The following SUCLA2 variants were observed in gnomAD, a reference collection of about 807,000 sequenced individuals.
SUCLA2 encodes succinate--CoA ligase [ADP-forming] subunit beta, mitochondrial.
A neutral mutation model predicts 54.8 loss-of-function variants in SUCLA2; 30 were observed. The ratio of observed to expected loss-of-function variants is 0.55; its 90% confidence interval spans 0.41 to 0.74. SUCLA2 has a LOEUF of 0.74. Among genes scored for constraint, SUCLA2 ranks in the 30% least tolerant of loss-of-function variants. The pLI is 0.00. For missense variants in SUCLA2, 476 were observed against 562.9 expected (o/e 0.85, Z 1.56); for synonymous variants, 172 against 188.9 (o/e 0.91, Z 0.74).
intron 6 of SUCLA2, among the ~76,000 whole-genome samples, chr13:47,964,835 T>A (rs758555081): frequency 4.6e-5 from 7 of 151,856 alleles, no homozygotes; most frequent in African/African-American, 1.7e-4. Flanking sequence ...CCAGCCTGGG[T>A]GACAGAGCAA....
intron 4 of SUCLA2, among the ~76,000 whole-genome samples, chr13:47,976,049 C>A (rs1484025471): frequency 1.3e-5 from 2 of 152,068 alleles, no homozygotes; most frequent in South Asian, 4.2e-4. Flanking sequence ...GAGTTCGAGA[C>A]CAGCCTGGGC....
At chr13:47,987,460 G>C (rs925920281) in intron 4 of SUCLA2, among the ~76,000 whole-genome samples, 1 of 151,980 alleles carries the variant, frequency 6.6e-6, no homozygotes. Flanking sequence ...TAATATATGA[G>C]GTTACTGTCA....
intron 4 of SUCLA2, among the ~76,000 whole-genome samples, chr13:47,986,029 G>GC (rs1555259174): frequency 8.2e-5 from 10 of 122,218 alleles, no homozygotes; most frequent in Non-Finnish European, 1.6e-5. Flanking sequence ...CATATGTATA[G>GC]TTTTTTTTTT....
rs76955027 is a variant in SUCLA2, at chr13:47,987,238, C to G, written c.534+1303G>C. On this transcript the variant is annotated intron_variant, in intron 4 of 10. Transcript: ENST00000646932. ...TCTTTAATAATACATATTCAGTATC[C>G]TACCTTTACTACAATAAAGATGAAT... Among the ~76,000 whole-genome samples the G allele has an allele frequency of 3.5e-3, 540 of 152,222 alleles. 4 individuals are homozygous for G. Among genetic ancestry groups the G allele is most frequent in the African/African-American group, 0.012 (498 of 41,544 alleles).
chr13:47,992,167 G>A (rs1950154976), intron 2 of SUCLA2, among the ~76,000 whole-genome samples: 1 of 152,116 alleles, frequency 6.6e-6, no homozygotes, highest in Non-Finnish European at 1.5e-5. Flanking sequence ...GCTTTACTGA[G>A]CTAAATTCAA....
intron 6 of SUCLA2, among the ~76,000 whole-genome samples, chr13:47,955,056 C>A (rs747662964): frequency 6.6e-6 from 1 of 151,938 alleles, no homozygotes; most frequent in Admixed American, 6.6e-5. Flanking sequence ...AATCTTTTAA[C>A]TCCTATCTCC....
intron 10 of SUCLA2, among the ~76,000 whole-genome samples, chr13:47,945,380 G>A (rs1472644447): frequency 1.6e-5 from 2 of 121,640 alleles, no homozygotes; most frequent in Non-Finnish European, 1.6e-5. Flanking sequence ...CTGAGATCAC[G>A]CCACTGTACT....
chr13:47,999,233 T>G (rs1402426323), intron 1 of SUCLA2, among the ~76,000 whole-genome samples: 1 of 152,192 alleles, frequency 6.6e-6, no homozygotes, highest in Non-Finnish European at 1.5e-5. Context: ...ACTAGAAAAA[T>G]CTGAATCTAA....
intron 6 of SUCLA2, among the ~76,000 whole-genome samples, chr13:47,959,265 G>A (rs903980161): frequency 6.6e-6 from 1 of 151,918 alleles, no homozygotes; most frequent in Non-Finnish European, 1.5e-5. Context: ...GGAAACAAGT[G>A]GGGGAGAAAG....
intron 4 of SUCLA2, among the ~76,000 whole-genome samples, chr13:47,986,448 T>C (rs1173602239): frequency 1.3e-5 from 2 of 152,206 alleles, no homozygotes; most frequent in Non-Finnish European, 2.9e-5. Context: ...TATTAGACCT[T>C]TGTCGGAAGG....
intron 6 of SUCLA2, among the ~76,000 whole-genome samples, chr13:47,957,480 G>A (rs568622346): frequency 6.6e-6 from 1 of 152,294 alleles, no homozygotes; most frequent in African/African-American, 2.4e-5. Flanking sequence ...CTGAAGGTGA[G>A]TGTCAGTCTC....
intron 10 of SUCLA2, among the ~76,000 whole-genome samples, chr13:47,945,283 C>T (rs1466032583): frequency 9.6e-5 from 14 of 146,074 alleles, no homozygotes; most frequent in African/African-American, 3.5e-4. Flanking sequence ...ATTAGCTGGG[C>T]GTGGTGGCAC....
chr13:47,943,174 A>G lies in SUCLA2; in HGVS notation c.*197T>C. Reference sequence around the variant, plus strand: ...GCGACAAAAGAAAGAAGATAACTGCATTATACATGCTTCGTACAAACAGTC... The same window carrying G: ...GCGACAAAAGAAAGAAGATAACTGCGTTATACATGCTTCGTACAAACAGTC... On this transcript the variant is annotated 3_prime_UTR_variant, in exon 11 of 11. Transcript: ENST00000646932. The G allele has an allele frequency of 9.9e-6, 6 of 604,418 alleles. No individual in the cohort carries two copies. Among genetic ancestry groups the G allele is most frequent in the Non-Finnish European group, 5.9e-6 (2 of 338,168 alleles). 37.4% of individuals were successfully genotyped at this position (604,418 alleles called of 1,614,324 possible).
chr13:47,963,252 A>T (rs1409764425), intron 6 of SUCLA2, among the ~76,000 whole-genome samples: 2 of 152,242 alleles, frequency 1.3e-5, no homozygotes, highest in African/African-American at 4.8e-5. Flanking sequence ...AATGTTGAAT[A>T]AGAAAATTAT....
rs1254525675 is a variant in SUCLA2 at position 47,954,245 on chromosome 13, T to C, written c.1002A>G (p.Ile334Met). Residue 334 changes from isoleucine (I) to methionine (M), a missense_variant, in exon 8 of 11, where the codon ATA (isoleucine) becomes ATG (methionine). Coordinates refer to ENST00000646932, the MANE Select transcript of SUCLA2 (RefSeq NM_003850.3). The part of the protein sequence containing the change: ...GAGLAMATMD[I>M]IKLHGGTPAN... ...CTGGAGTCCCTCCATGAAGTTTTAT[T>C]ATATCCATTGTGGCCATAGCCAAAC... 1 of 1,613,874 alleles carries C rather than the reference T, an allele frequency of 6.2e-7. No individual in the cohort carries two copies. The highest frequency in any genetic ancestry group is 2.2e-5 in the East Asian group (1 of 44,878).
At chr13:47,968,393 T>G (rs1409056546) in intron 6 of SUCLA2, among the ~76,000 whole-genome samples, 1 of 152,236 alleles carries the variant, frequency 6.6e-6, no homozygotes, top group Admixed American at 6.5e-5. Flanking sequence ...TTTTATTTTT[T>G]GTTTGTTTGT....
chr13:47,965,669 G>A, intron 6 of SUCLA2: 1 of 398,494 alleles, frequency 2.5e-6, no homozygotes, highest in East Asian at 3.6e-5. Context: ...AAGGACATCA[G>A]TAGGACAGCT....
intron 4 of SUCLA2, among the ~76,000 whole-genome samples, chr13:47,976,124 C>CA (rs1950010576): frequency 6.6e-6 from 1 of 152,124 alleles, no homozygotes; most frequent in East Asian, 1.9e-4. Context: ...TTAATGCCTA[C>CA]ACCATAGAAC....
intron 4 of SUCLA2, among the ~76,000 whole-genome samples, chr13:47,986,054 G>A (rs978667490): frequency 1.2e-4 from 12 of 102,764 alleles, no homozygotes; most frequent in South Asian, 3.4e-4. Context: ...TTTTTGAAAC[G>A]GATTCTTACT....
Sources: gnomAD v4.1 joint callset for allele counts (sites outside exome capture counted in the v4.1 genomes callset) on GRCh38, gnomAD v4.1.1 for gene constraint, MANE v1.5 for transcripts, NCBI Gene and HGNC (gene_info 2026-07-23, HGNC 2026-07-21) for gene names.